The following OTOF variants were observed in gnomAD, a reference collection of about 807,000 sequenced individuals.
OTOF encodes fer-1-like family member 2.
Under a neutral mutation model 236.8 loss-of-function variants are expected in OTOF, and 218 were observed. The ratio of observed to expected loss-of-function variants is 0.92; its 90% CI spans 0.82 to 1.03. The LOEUF (loss-of-function observed/expected upper bound fraction) is 1.03, where lower values mean the gene tolerates loss of function less well. OTOF is among the 50% of genes least tolerant of loss of function. The pLI is 0.00. For missense variants in OTOF, 2,590 were observed against 2,694.4 expected, an observed-to-expected ratio of 0.96 and a Z score of 0.86; for synonymous variants, 1,041 against 1,072.5, an observed-to-expected ratio of 0.97 and a Z score of 0.57.
intron 36 of OTOF, 88 bp downstream of exon 36, chr2:26,466,626 T>A: frequency 1.3e-6 from 2 of 1,507,932 alleles, no homozygotes; most frequent in Middle Eastern, 3.4e-4. Context: ...CGTAAACCAT[T>A]GCACCTGGCC....
chr2:26,524,852 C>T lies in OTOF; in HGVS notation c.227+2980G>A, dbSNP rs538771742. Among the ~76,000 whole-genome samples the T allele has an allele frequency of 4.4e-4, 67 of 152,350 alleles. 1 individual carries two copies. Among genetic ancestry groups the T allele is most frequent in the Non-Finnish European group, 8.7e-4 (59 of 68,030 alleles). On this transcript the variant is annotated intron_variant, in intron 3 of 46. Transcript: ENST00000272371. ...TCCCCTCTGAGACTTGGTTTCCCCT[C>T]CTGCACAGCTAGGGCTGTAGTGGCT...
intron 8 of OTOF, among the ~76,000 whole-genome samples, chr2:26,499,025 G>A (rs1666054928): frequency 6.6e-6 from 1 of 152,184 alleles, no homozygotes; most frequent in Admixed American, 6.5e-5. Context: ...GTCAGTGGCA[G>A]GGGCATGAAA....
Position 26,483,531 on chromosome 2 carries a change from C to T in OTOF, c.1323G>A (p.Lys441=). The change falls in exon 13 of 47, where the codon AAG becomes AAA. Residue 441 remains lysine (K), a synonymous_variant. Transcript: ENST00000272371. The part of the protein sequence containing the change: ...RMNTSLMANV[K]KAFIGENKDL... ...CCTTGTTTTCACCGATGAAAGCCTT[C>T]TTTACATTGGCCATGAGGCTTGTGT... 1.2e-6 allele frequency: 2 copies of T among 1,614,032 alleles called. No individual in the cohort carries two copies. The highest frequency in any genetic ancestry group is 1.7e-6 in the Non-Finnish European group (2 of 1,180,014).
At position 26,558,659 on chromosome 2, in the gene OTOF, T is replaced by G; in HGVS notation, c.-88A>C. Reference sequence around the variant, plus strand: ...ACGGCTCACACGCCTCTCTCTTCTCTGCCGCTGCCTCCTCCTCCTCCTCCC... The same window carrying G: ...ACGGCTCACACGCCTCTCTCTTCTCGGCCGCTGCCTCCTCCTCCTCCTCCC... On this transcript the variant is annotated 5_prime_UTR_variant, in exon 1 of 47. Coordinates refer to ENST00000272371, the MANE Select transcript of OTOF (RefSeq NM_194248.3). 8.7e-7 allele frequency: 1 copy of G among 1,148,912 alleles called. No individual in the cohort carries two copies. Among genetic ancestry groups the G allele is most frequent in the Non-Finnish European group, 1.3e-6 (1 of 764,888 alleles). The allele number at this position is 1,148,912 out of a possible 1,614,324, so 71.2% of individuals were successfully genotyped here.
rs150132765 is a variant in OTOF, at chr2:26,527,907, G to T, written c.152C>A (p.Pro51Gln). The change falls in exon 3 of 47, where the codon CCG (proline) becomes CAG (glutamine). Residue 51 changes from proline (P) to glutamine (Q), a missense_variant. Transcript: ENST00000272371. The part of the protein sequence containing the change: ...VADFDETFRW[P>Q]VASSIDRNEM... ...ATTTCTGTCGATGCTGCTGGCCACC[G>T]GCCACCGAAATGTCTGGGGAGAGAG... The T allele has an allele frequency of 1.2e-6, 2 of 1,613,846 alleles. No individual in the cohort carries two copies. Among genetic ancestry groups the T allele is most frequent in the African/African-American group, 2.7e-5 (2 of 74,894 alleles).
chr2:26,525,444 A>G (rs1055549548), intron 3 of OTOF, among the ~76,000 whole-genome samples: 8 of 152,170 alleles, frequency 5.3e-5, no homozygotes, highest in Admixed American at 4.6e-4. Context: ...GCTATCTTTC[A>G]GTTGTCTGCT....
At chr2:26,546,687 T>C (rs2090906) in intron 1 of OTOF, among the ~76,000 whole-genome samples, 6,782 of 152,198 alleles carry the variant, frequency 0.045, 462 homozygotes, top group African/African-American at 0.15. Context: ...TTGTGGAGAA[T>C]TGTCATCTTA....
intron 8 of OTOF, among the ~76,000 whole-genome samples, chr2:26,499,937 C>A (rs764861909): frequency 2.0e-5 from 3 of 152,194 alleles, no homozygotes; most frequent in Non-Finnish European, 4.4e-5. Flanking sequence ...TTAAATACAA[C>A]AACCGTTTTG....
rs546229965 is a variant in OTOF, at chr2:26,543,671, A to G, written c.80-5897T>C. On this transcript the variant is annotated intron_variant, in intron 1 of 46. Coordinates refer to ENST00000272371, the MANE Select transcript of OTOF (RefSeq NM_194248.3). ...GTTTATCCCTCAATAAGAAACAGCT[A>G]TTCTCAGTCTACTAAATAGTCTTGT... 3.9e-5 allele frequency among the ~76,000 whole-genome samples: 6 copies of G among 152,336 alleles called. No homozygotes were observed. In the South Asian group the frequency reaches 1.0e-3, roughly 26 times the overall value.
In OTOF at chr2:26,482,412, C is replaced by G. The variant is rs1297164465; in HGVS notation, c.1573G>C (p.Asp525His). The G allele has an allele frequency of 1.2e-5, 19 of 1,613,204 alleles. No homozygotes were observed. Among genetic ancestry groups the G allele is most frequent in the Non-Finnish European group, 1.6e-5 (19 of 1,179,988 alleles). The part of the protein sequence containing the change: ...IDLRKISNDG[D>H]KGFLPTLGPA... ...CGGGTCTCCCGCTGCTGACCTTTGT[C>G]TCCGTCATTAGAAATCTTGCGCAGG... The change falls in exon 14 of 47, where the codon GAC becomes CAC. Residue 525 changes from aspartate to histidine, a missense_variant. Coordinates refer to ENST00000272371, the MANE Select transcript of OTOF (RefSeq NM_194248.3).
In OTOF at chr2:26,474,618, GTC is replaced by G. The variant is rs1665167894; in HGVS notation, c.3181_3182del (p.Asp1061ArgfsTer43). 1 of 1,613,096 alleles carries G rather than the reference GTC, an allele frequency of 6.2e-7. No individual in the cohort carries two copies. ...TFAKPLVKMA[D>X]EAYCPPRFPP... The stretch of plus-strand genomic sequence containing the variant: ...GGAAGCGGGGTGGGCAGTACGCCTC[GTC>G]TGCCATCTTCACCAGGGGTTTGGCG... On this transcript the variant is annotated frameshift_variant, in exon 26 of 47. Coordinates refer to ENST00000272371, the MANE Select transcript of OTOF (RefSeq NM_194248.3). LOFTEE classifies it high-confidence loss of function.
intron 5 of OTOF, among the ~76,000 whole-genome samples, chr2:26,515,449 C>T (rs550372090): frequency 1.3e-5 from 2 of 152,272 alleles, no homozygotes; most frequent in South Asian, 2.1e-4. Flanking sequence ...CACTCATGCA[C>T]CTGTGTGTGA....
At chr2:26,472,771 A>G in intron 29 of OTOF, 122 bp from the exon 30 acceptor site, 1 of 1,009,210 alleles carries the variant, frequency 9.9e-7, no homozygotes. Context: ...GGAGAGGGGG[A>G]CAGGCAGTCA....
At chr2:26,512,514 A>C (rs977062728) in intron 5 of OTOF, among the ~76,000 whole-genome samples, 3 of 152,192 alleles carry the variant, frequency 2.0e-5, no homozygotes, top group Non-Finnish European at 4.4e-5. Flanking sequence ...GGTCTGGAAC[A>C]CTGATTTTGT....
rs761703365 is a variant in OTOF, at chr2:26,516,500, C to T, written c.427G>A (p.Glu143Lys). The T allele has an allele frequency of 6.2e-6, 10 of 1,613,670 alleles. No individual in the cohort carries two copies. The highest frequency in any genetic ancestry group is 1.1e-5 in the South Asian group (1 of 91,096). Residue 143 changes from glutamate to lysine, a missense_variant, in exon 5 of 47, where the codon GAG becomes AAG. This residue lies in a region of OTOF where 1,379 missense variants were observed against 1,341.6 expected (regional missense o/e 1.03). Transcript: ENST00000272371. ...FLGDESLQEE[E>K]KDSQETDGLL... is the part of the protein sequence containing the mutation. ...CCATCCGTCTCTTGGCTGTCCTTCTCTTCCTCTTGAAGAGACTCATCTCCC... is the reference window on the plus strand; with the variant it reads ...CCATCCGTCTCTTGGCTGTCCTTCTTTTCCTCTTGAAGAGACTCATCTCCC...
chr2:26,460,731 T>C lies in OTOF; in HGVS notation c.5729A>G (p.Glu1910Gly). Reference sequence around the variant, plus strand: ...CTCCTCTGCTGTCAGTAAATGCAGCTCAGCCTCCACCTTGCCCTGCAGAGG... The same window carrying C: ...CTCCTCTGCTGTCAGTAAATGCAGCCCAGCCTCCACCTTGCCCTGCAGAGG... ...EFELTGKVEAELHLLTAEEAE... is the reference protein window; with the variant it reads ...EFELTGKVEAGLHLLTAEEAE... The change falls in exon 45 of 47, where the codon GAG becomes GGG. Residue 1910 changes from glutamate (E) to glycine (G), a missense_variant. Around this residue, in one of 2 missense-constraint regions of OTOF, gnomAD observed 1,211 missense variants for 1,352.8 expected, o/e 0.90. Transcript: ENST00000272371. This position sits in a 1 kb window ranked among gnomAD's most constrained non-coding sequence, Gnocchi z 5.3. 1 of 1,613,980 alleles carries C rather than the reference T, an allele frequency of 6.2e-7. No homozygotes were observed. Among genetic ancestry groups the C allele is most frequent in the Middle Eastern group, 1.6e-4 (1 of 6,062 alleles).
At chr2:26,482,723 G>T in intron 13 of OTOF, 131 bp from the exon 14 acceptor site, 2 of 723,670 alleles carry the variant, frequency 2.8e-6, no homozygotes, top group South Asian at 3.4e-5. Flanking sequence ...GTGCATGCGT[G>T]TGTGAGTGGA....
intron 1 of OTOF, among the ~76,000 whole-genome samples, chr2:26,540,383 A>C (rs1367795184): frequency 6.6e-6 from 1 of 152,240 alleles, no homozygotes; most frequent in Non-Finnish European, 1.5e-5. Context: ...CTCTCCCTAC[A>C]GAAAACCTGG....
At chr2:26,489,616 G>T in intron 10 of OTOF, 62 bp downstream of exon 10, 2 of 1,408,194 alleles carry the variant, frequency 1.4e-6, no homozygotes, top group Middle Eastern at 1.8e-4. Flanking sequence ...CCCCTCTCAA[G>T]TCTGCACAAA....
Sources: gnomAD v4.1 joint callset for allele counts (sites outside exome capture counted in the v4.1 genomes callset) on GRCh38, gnomAD v4.1.1 for gene constraint, gnomAD v4.1.1 regional missense constraint, Gnocchi (gnomAD v3.1) non-coding constraint, MANE v1.5 for transcripts, NCBI Gene and HGNC (gene_info 2026-07-23, HGNC 2026-07-21) for gene names.